TAFA2: variants seen among roughly 807,000 people sequenced by gnomAD.
TAFA2 encodes TAFA chemokine like family member 2.
TAFA2 carries 7 observed loss-of-function variants against 18.8 expected under a neutral mutation model. That is an observed-to-expected ratio of 0.37 (90% CI 0.21 to 0.70). The LOEUF (loss-of-function observed/expected upper bound fraction) is 0.70. TAFA2 is among the 30% of genes least tolerant of loss of function. The pLI is 0.53. For missense variants in TAFA2, 122 were observed against 158.1 expected (o/e 0.77, Z 1.23); for synonymous variants, 60 against 54.2 (o/e 1.11, Z -0.47).
At chr12:61,933,062 C>A (rs553614909) in intron 1 of TAFA2, among the ~76,000 whole-genome samples, 1 of 152,158 alleles carries the variant, frequency 6.6e-6, no homozygotes, top group South Asian at 2.1e-4. Flanking sequence ...TCCAGTTTTC[C>A]CCCAAACTAC....
intron 1 of TAFA2, among the ~76,000 whole-genome samples, chr12:61,933,912 C>T (rs1319104765): frequency 2.0e-5 from 3 of 152,156 alleles, no homozygotes; most frequent in Admixed American, 6.5e-5. Flanking sequence ...GTGGTAAAAG[C>T]AGCAAGGAGA....
rs192169244 is a variant in TAFA2 at position 62,012,559 on chromosome 12, T to C, written c.-1-145133A>G. ...TTGCTTACATTTGTATTGAATTTCC[T>C]CAAAGCACAATAGTAAAAAAGTCTC... On this transcript the variant is annotated intron_variant, in intron 1 of 4. Coordinates refer to ENST00000416284, the MANE Select transcript of TAFA2 (RefSeq NM_178539.5). Among the ~76,000 whole-genome samples the C allele has an allele frequency of 9.8e-4, 149 of 152,302 alleles. 1 individual carries two copies. The highest frequency in any genetic ancestry group is 3.2e-3 in the African/African-American group (134 of 41,570).
intron 2 of TAFA2, among the ~76,000 whole-genome samples, chr12:61,838,403 T>C (rs1468106011): frequency 1.3e-5 from 2 of 151,828 alleles, no homozygotes; most frequent in Non-Finnish European, 2.9e-5. Flanking sequence ...AAAGCATGCT[T>C]ACTCACATAA....
At chr12:61,851,816 A>AAAC (rs2121163937) in intron 2 of TAFA2, among the ~76,000 whole-genome samples, 1 of 124,132 alleles carries the variant, frequency 8.1e-6, no homozygotes, top group Non-Finnish European at 1.7e-5. Context: ...AAAAAAAAAA[A>AAAC]AACATGTTCT....
intron 1 of TAFA2, among the ~76,000 whole-genome samples, chr12:62,158,834 G>A (rs977517940): frequency 1.3e-5 from 2 of 152,200 alleles, no homozygotes; most frequent in East Asian, 3.9e-4. Flanking sequence ...ACTTAAACAA[G>A]GTTCATGTGC....
At chr12:61,936,546 T>C (rs568683353) in intron 1 of TAFA2, among the ~76,000 whole-genome samples, 1 of 151,680 alleles carries the variant, frequency 6.6e-6, no homozygotes, top group African/African-American at 2.4e-5. Flanking sequence ...CCAGCCTGGG[T>C]GACAGAATGA....
At chr12:61,936,461 A>G (rs1877772383) in intron 1 of TAFA2, among the ~76,000 whole-genome samples, 1 of 152,040 alleles carries the variant, frequency 6.6e-6, no homozygotes, top group Admixed American at 6.6e-5. Flanking sequence ...CCAGCTACAC[A>G]GGAGGCTGAG....
chr12:62,000,865 G>A (rs1460290085), intron 1 of TAFA2, among the ~76,000 whole-genome samples: 1 of 152,186 alleles, frequency 6.6e-6, no homozygotes, highest in Non-Finnish European at 1.5e-5. Context: ...TCCAAAGCAG[G>A]TAGGATGGAT....
At chr12:61,915,108 C>T (rs1436785661) in intron 1 of TAFA2, among the ~76,000 whole-genome samples, 4 of 152,110 alleles carry the variant, frequency 2.6e-5, no homozygotes, top group Admixed American at 2.6e-4. Flanking sequence ...TTGTGGTGAG[C>T]CAAGATCGTG....
chr12:62,240,489 T>C, intron 1 of TAFA2, among the ~76,000 whole-genome samples: 1 of 152,194 alleles, frequency 6.6e-6, no homozygotes, highest in East Asian at 1.9e-4. Context: ...TTGTATGGTT[T>C]ATAATTGTAA....
At chr12:61,783,966 T>C (rs181258437) in intron 2 of TAFA2, among the ~76,000 whole-genome samples, 2 of 151,432 alleles carry the variant, frequency 1.3e-5, no homozygotes, top group African/African-American at 4.8e-5. Context: ...ACAATCAACA[T>C]CAGATGATGT....
At chr12:61,817,846 C>T (rs1178218276) in intron 2 of TAFA2, among the ~76,000 whole-genome samples, 2 of 152,178 alleles carry the variant, frequency 1.3e-5, no homozygotes, top group East Asian at 1.9e-4. Context: ...CCTCTACCTA[C>T]CTTCAGGCAT....
At chr12:61,940,396 A>C (rs1877951344) in intron 1 of TAFA2, among the ~76,000 whole-genome samples, 1 of 152,194 alleles carries the variant, frequency 6.6e-6, no homozygotes, top group Non-Finnish European at 1.5e-5. Context: ...GGCAGGTAGG[A>C]GGAGTGGCCA....
intron 1 of TAFA2, among the ~76,000 whole-genome samples, chr12:61,888,050 G>A (rs955414434): frequency 1.3e-5 from 2 of 151,866 alleles, no homozygotes; most frequent in East Asian, 3.9e-4. Context: ...ACACCAGTTA[G>A]AATGGCAATC....
intron 1 of TAFA2, among the ~76,000 whole-genome samples, chr12:61,901,846 C>T (rs1876115109): frequency 6.6e-6 from 1 of 152,116 alleles, no homozygotes; most frequent in Admixed American, 6.5e-5. Context: ...CATCCTGCCT[C>T]TGATCTGTCA....
chr12:62,094,856 CAT>C (rs1868878418), intron 1 of TAFA2, among the ~76,000 whole-genome samples: 1 of 151,976 alleles, frequency 6.6e-6, no homozygotes, highest in African/African-American at 2.4e-5. Flanking sequence ...TACTGCACTC[CAT>C]TCTGAGAATA....
intron 1 of TAFA2, among the ~76,000 whole-genome samples, chr12:62,045,529 AT>A (rs1357059035): frequency 6.6e-6 from 1 of 152,320 alleles, no homozygotes; most frequent in South Asian, 2.1e-4. Flanking sequence ...GGATTCTGAA[AT>A]TTGAAGCCAA....
intron 1 of TAFA2, among the ~76,000 whole-genome samples, chr12:62,198,783 AT>A (rs1333552804): frequency 6.6e-6 from 1 of 152,228 alleles, no homozygotes; most frequent in Admixed American, 6.5e-5. Flanking sequence ...AACTTATGCT[AT>A]CCCCATCCCC....
chr12:62,149,770 T>C (rs2062315170), intron 1 of TAFA2, among the ~76,000 whole-genome samples: 1 of 152,042 alleles, frequency 6.6e-6, no homozygotes, highest in Non-Finnish European at 1.5e-5. Context: ...TTCCTCCAAC[T>C]CTCACTCAGC....
Sources: allele counts gnomAD v4.1 joint callset (sites outside exome capture counted in the v4.1 genomes callset), GRCh38; gene constraint gnomAD v4.1.1; transcripts MANE v1.5; gene names NCBI Gene and HGNC (gene_info 2026-07-23, HGNC 2026-07-21).